Variants in TBCK observed in about 807,000 individuals in gnomAD.
TBCK encodes TBC domain-containing protein kinase-like protein.
TBCK carries 99 observed loss-of-function variants against 113.4 expected under a neutral mutation model. That is an observed-to-expected ratio of 0.87 (90% CI 0.74 to 1.03). The LOEUF is 1.03. TBCK is among the 50% of genes least tolerant of loss of function. The pLI is 0.00. For missense variants in TBCK, 1,045 were observed against 1,061.3 expected (o/e 0.98, Z 0.21); for synonymous variants, 369 against 370.8 (o/e 1.00, Z 0.05).
At chr4:106,078,564 C>G (rs568192635) in intron 25 of TBCK, among the ~76,000 whole-genome samples, 1 of 152,164 alleles carries the variant, frequency 6.6e-6, no homozygotes, top group East Asian at 1.9e-4. Context: ...AAACACATAG[C>G]CTTCTAAGAT....
intron 20 of TBCK, among the ~76,000 whole-genome samples, chr4:106,203,618 C>T (rs1755123822): frequency 6.6e-6 from 1 of 151,720 alleles, no homozygotes; most frequent in Non-Finnish European, 1.5e-5. Context: ...AGTTGGCTTA[C>T]AATATTGAAC....
At position 106,171,255 on chromosome 4, in the gene TBCK, C is replaced by T. The variant is rs376380860; in HGVS notation, c.2075G>A (p.Arg692His). ...CAGGTTGATAGATTCTCTCACACAGCGTTCAATGTCAATTTCTAGATAGAA... is the reference window on the plus strand; with the variant it reads ...CAGGTTGATAGATTCTCTCACACAGTGTTCAATGTCAATTTCTAGATAGAA... ...FSDLPEIDIE[R>H]CVRESINLFC... The change falls in exon 23 of 26, where the codon CGC (arginine) becomes CAC (histidine). Residue 692 changes from arginine (R) to histidine (H), a missense_variant. Physicochemically the swap from Arg to His is conservative, Grantham distance 29. Coordinates refer to ENST00000394708, the MANE Select transcript of TBCK (RefSeq NM_001163435.3). 2.8e-5 allele frequency: 45 copies of T among 1,599,982 alleles called. 1 individual carries two copies. Among genetic ancestry groups the T allele is most frequent in the Middle Eastern group, 3.3e-4 (2 of 6,024 alleles).
intron 22 of TBCK, among the ~76,000 whole-genome samples, chr4:106,175,205 G>GT (rs1468621922): frequency 6.7e-6 from 1 of 149,544 alleles, no homozygotes; most frequent in Non-Finnish European, 1.5e-5. Context: ...TAAAAGTTCT[G>GT]TTTTTTCATA....
chr4:106,068,218 T>G (rs1736895951), intron 25 of TBCK, among the ~76,000 whole-genome samples: 1 of 152,188 alleles, frequency 6.6e-6, no homozygotes, highest in Non-Finnish European at 1.5e-5. Context: ...TTGTTACATA[T>G]GTATACACAT....
In TBCK at chr4:106,247,138, C is replaced by T. The variant is rs1344680594; in HGVS notation, c.931+1G>A. 3 of 1,609,584 alleles carry T rather than the reference C, an allele frequency of 1.9e-6. No individual in the cohort carries two copies. The African/African-American group carries it at 4.0e-5, about 22-fold the overall frequency. ...TTCTCTATGCTTTAATTTATCATTA[C>T]CTTTACACAACTGACTGATATCCTC... is the stretch of plus-strand genomic sequence containing the variant. On this transcript the variant is annotated splice_donor_variant, in intron 10 of 25. Coordinates refer to ENST00000394708, the MANE Select transcript of TBCK (RefSeq NM_001163435.3). LOFTEE classifies it high-confidence loss of function.
At chr4:106,127,569 C>G (rs1332042423) in intron 23 of TBCK, among the ~76,000 whole-genome samples, 1 of 151,624 alleles carries the variant, frequency 6.6e-6, no homozygotes, top group East Asian at 1.9e-4. Context: ...AATATTGATC[C>G]AAATATTCCC....
At chr4:106,290,496 A>G (rs1044936380) in intron 3 of TBCK, among the ~76,000 whole-genome samples, 5 of 152,184 alleles carry the variant, frequency 3.3e-5, no homozygotes, top group Non-Finnish European at 7.3e-5. Context: ...ATTCTTTTAA[A>G]TAAAAATCAA....
intron 3 of TBCK, among the ~76,000 whole-genome samples, chr4:106,285,999 T>A (rs1204001604): frequency 1.3e-5 from 2 of 152,202 alleles, no homozygotes. Context: ...AAAATTAATT[T>A]AGATGGATGG....
At chr4:106,185,150 A>G (rs561923677) in intron 22 of TBCK, among the ~76,000 whole-genome samples, 3 of 152,246 alleles carry the variant, frequency 2.0e-5, no homozygotes, top group South Asian at 4.2e-4. Flanking sequence ...TTTGCACAGA[A>G]GGATTAAAAT....
intron 23 of TBCK, among the ~76,000 whole-genome samples, chr4:106,119,040 A>G (rs1422507067): frequency 1.3e-5 from 2 of 152,244 alleles, no homozygotes; most frequent in East Asian, 1.9e-4. Context: ...AATAATTACA[A>G]TATTAAAAAC....
chr4:106,105,873 G>T (rs1742088878), intron 24 of TBCK, among the ~76,000 whole-genome samples: 1 of 152,216 alleles, frequency 6.6e-6, no homozygotes, highest in Non-Finnish European at 1.5e-5. Context: ...CCAAATGACT[G>T]CATCAGTCCT....
chr4:106,203,226 C>G (rs1755079156), intron 20 of TBCK, among the ~76,000 whole-genome samples: 3 of 151,268 alleles, frequency 2.0e-5, no homozygotes, highest in African/African-American at 7.3e-5. Context: ...ATCCTTCAGG[C>G]TCATGTATGA....
intron 20 of TBCK, among the ~76,000 whole-genome samples, chr4:106,208,302 G>A (rs1051450245): frequency 1.3e-5 from 2 of 151,934 alleles, no homozygotes; most frequent in East Asian, 3.9e-4. Context: ...AACCTCTCCC[G>A]TATGGCACAC....
At chr4:106,090,000 C>T (rs62321364) in intron 25 of TBCK, among the ~76,000 whole-genome samples, 11,678 of 152,242 alleles carry the variant, frequency 0.077, 514 homozygotes, top group Middle Eastern at 0.18. Context: ...CTCCACTAGC[C>T]GGTTCCCTGG....
chr4:106,086,758 C>A (rs576740623), intron 25 of TBCK, among the ~76,000 whole-genome samples: 16 of 152,228 alleles, frequency 1.1e-4, no homozygotes, highest in Admixed American at 7.8e-4. Flanking sequence ...TTCATCCCTG[C>A]GATGTAAAGC....
chr4:106,217,715 A>G (rs1017029116), intron 19 of TBCK, among the ~76,000 whole-genome samples: 25 of 150,616 alleles, frequency 1.7e-4, no homozygotes, highest in African/African-American at 6.0e-4. Flanking sequence ...AAGGAAATCA[A>G]AGAGGATACA....
At chr4:106,113,000 G>GT (rs1257874395) in intron 24 of TBCK, among the ~76,000 whole-genome samples, 3 of 152,220 alleles carry the variant, frequency 2.0e-5, no homozygotes, top group Non-Finnish European at 4.4e-5. Flanking sequence ...CAAACACCAT[G>GT]TTACACATGT....
intron 25 of TBCK, among the ~76,000 whole-genome samples, chr4:106,071,288 G>T (rs1185881497): frequency 6.6e-6 from 1 of 152,106 alleles, no homozygotes; most frequent in East Asian, 1.9e-4. Context: ...AGAGGTTTTG[G>T]TATGTTGCGT....
chr4:106,315,311 T>C (rs564687137), intron 1 of TBCK, among the ~76,000 whole-genome samples: 1 of 152,272 alleles, frequency 6.6e-6, no homozygotes, highest in South Asian at 2.1e-4. Context: ...TCAAAGAACT[T>C]AGAGTTTTAA....
Sources: gnomAD v4.1 joint callset for allele counts (sites outside exome capture counted in the v4.1 genomes callset) on GRCh38, gnomAD v4.1.1 for gene constraint, MANE v1.5 for transcripts, NCBI Gene and HGNC (gene_info 2026-07-23, HGNC 2026-07-21) for gene names.